The following PTPRM variants were observed in gnomAD, a reference collection of about 807,000 sequenced individuals.
PTPRM encodes the protein receptor-type tyrosine-protein phosphatase mu.
A neutral mutation model predicts 186.7 loss-of-function variants in PTPRM; 47 were observed. The observed-to-expected ratio is 0.25, with a 90% CI of 0.20 to 0.32. PTPRM has a LOEUF of 0.32. Ranked by LOEUF, PTPRM falls within the 10% of genes least tolerant of loss-of-function variation. The pLI is 1.00. For synonymous variants in PTPRM, 668 were observed against 674.9 expected (o/e 0.99, Z 0.16); for missense variants, 1,494 against 1,865.0 (o/e 0.80, Z 3.66).
chr18:7,639,391 C>A (rs1056011125), intron 1 of PTPRM, among the ~76,000 whole-genome samples: 2 of 142,278 alleles, frequency 1.4e-5, no homozygotes, highest in Middle Eastern at 4.0e-3. Flanking sequence ...ATTCTATATG[C>A]TTTTTTTTTT....
chr18:7,864,673 T>C (rs988976444), intron 2 of PTPRM, among the ~76,000 whole-genome samples: 3 of 152,184 alleles, frequency 2.0e-5, no homozygotes, highest in Non-Finnish European at 4.4e-5. Flanking sequence ...TTGGCTTGGA[T>C]ATGCAGGCTC....
rs144534154 is a variant in PTPRM, at chr18:8,158,669, A to C, written c.2300+14890A>C. 3.2e-3 allele frequency among the ~76,000 whole-genome samples: 491 copies of C among 152,300 alleles called. 3 individuals are homozygous for C. The highest frequency in any genetic ancestry group is 0.011 in the African/African-American group (451 of 41,566). ...GTAATTTATAAAGAAAAGAGGTTTA[A>C]CTGGCTTATGGTTCTGCAGGCTTTA... On this transcript the variant is annotated intron_variant, in intron 14 of 32. Coordinates refer to ENST00000580170, the MANE Select transcript of PTPRM (RefSeq NM_001105244.2).
intron 13 of PTPRM, among the ~76,000 whole-genome samples, chr18:8,143,252 G>A (rs567768150): frequency 1.3e-5 from 2 of 152,270 alleles, no homozygotes; most frequent in African/African-American, 4.8e-5. Flanking sequence ...AAATAACTGA[G>A]GAAAATGTTC....
chr18:7,826,635 A>G lies in PTPRM; in HGVS notation c.196+52364A>G, dbSNP rs543130488. On this transcript the variant is annotated intron_variant, in intron 2 of 32. Transcript: ENST00000580170. ...ATAAAAGAGTTCACACTGTTACTTT[A>G]TTTTCCAATAATGAAAGTACCATTT... is the stretch of plus-strand genomic sequence containing the variant. Among the ~76,000 whole-genome samples the G allele has an allele frequency of 2.0e-5, 3 of 152,356 alleles. 1 individual carries two copies. The South Asian group carries it at 6.2e-4, about 32-fold the overall frequency.
intron 8 of PTPRM, 140 bp from the exon 9 acceptor site, chr18:8,076,315 C>T: frequency 3.4e-6 from 2 of 591,366 alleles, no homozygotes; most frequent in Non-Finnish European, 6.0e-6. Context: ...TTTAAGATTC[C>T]AGATTTTTAA....
intron 7 of PTPRM, among the ~76,000 whole-genome samples, chr18:7,960,468 T>TACACAC (rs1410469673): frequency 2.4e-5 from 3 of 123,292 alleles, no homozygotes; most frequent in African/African-American, 9.5e-5. Context: ...TATATATATA[T>TACACAC]ATATATATAT....
At chr18:7,570,555 AATGGACCAAT>A (rs2143322393) in intron 1 of PTPRM, among the ~76,000 whole-genome samples, 1 of 152,360 alleles carries the variant, frequency 6.6e-6, no homozygotes, top group East Asian at 1.9e-4. Flanking sequence ...ATTGTGTGTG[AATGGACCAAT>A]ATATAATAAA....
intron 1 of PTPRM, among the ~76,000 whole-genome samples, chr18:7,593,980 T>C (rs1420049559): frequency 2.6e-5 from 4 of 152,066 alleles, no homozygotes; most frequent in African/African-American, 9.7e-5. Flanking sequence ...TTAGGTCCGA[T>C]GTAATATTAT....
At chr18:8,043,397 A>G (rs1234702362) in intron 7 of PTPRM, among the ~76,000 whole-genome samples, 2 of 152,080 alleles carry the variant, frequency 1.3e-5, no homozygotes, top group African/African-American at 2.4e-5. Context: ...CCCTGACATT[A>G]TATCTTCATC....
intron 2 of PTPRM, among the ~76,000 whole-genome samples, chr18:7,809,079 C>A (rs1322153124): frequency 6.6e-6 from 1 of 152,086 alleles, no homozygotes; most frequent in Non-Finnish European, 1.5e-5. Context: ...AGTTAAGGAC[C>A]CTGAGACTTG....
chr18:8,126,027 A>ATATATATATATATATTT (rs57751538), intron 13 of PTPRM, among the ~76,000 whole-genome samples: 1 of 69,540 alleles, frequency 1.4e-5, no homozygotes, highest in Non-Finnish European at 2.8e-5. Flanking sequence ...ATATATATAT[A>ATATATATATATATATTT]TTTTAAATCA....
At chr18:8,249,651 C>T (rs1432063142) in intron 17 of PTPRM, among the ~76,000 whole-genome samples, 1 of 152,144 alleles carries the variant, frequency 6.6e-6, no homozygotes. Flanking sequence ...TAAAACGTGC[C>T]TTGTCAGAAG....
At chr18:8,381,786 A>G (rs933852725) in intron 29 of PTPRM, among the ~76,000 whole-genome samples, 4 of 152,208 alleles carry the variant, frequency 2.6e-5, no homozygotes, top group African/African-American at 9.6e-5. Flanking sequence ...CACTAATTCT[A>G]GAGTCTTAAG....
chr18:7,872,734 G>A (rs1432241238), intron 2 of PTPRM, among the ~76,000 whole-genome samples: 9 of 152,172 alleles, frequency 5.9e-5, no homozygotes, highest in Admixed American at 2.6e-4. Context: ...ACTTAGTATC[G>A]AGTGCCTCTG....
chr18:8,239,014 C>T (rs1309455759), intron 14 of PTPRM, among the ~76,000 whole-genome samples: 1 of 145,076 alleles, frequency 6.9e-6, no homozygotes, highest in African/African-American at 2.6e-5. Context: ...TATTATTATA[C>T]TTTAAGTTTT....
rs570423909 is a variant in PTPRM at position 8,239,102 on chromosome 18, G to A, written c.2301-4956G>A. Among the ~76,000 whole-genome samples, 36 of 147,230 alleles carry A rather than the reference G, an allele frequency of 2.4e-4. No individual in the cohort carries two copies. In the South Asian group the frequency reaches 3.3e-3, roughly 13 times the overall value. ...GCTGGTGTGCTGCACCCATTAACTC[G>A]TCATTTAGCATTAGGTATATCTCCT... is the stretch of plus-strand genomic sequence containing the variant. On this transcript the variant is annotated intron_variant, in intron 14 of 32. Coordinates refer to ENST00000580170, the MANE Select transcript of PTPRM (RefSeq NM_001105244.2).
intron 7 of PTPRM, among the ~76,000 whole-genome samples, chr18:8,017,207 C>T (rs115887424): frequency 6.6e-6 from 1 of 152,112 alleles, no homozygotes; most frequent in South Asian, 2.1e-4. Context: ...TCCTTAAACA[C>T]ATGCACATAT....
chr18:8,157,829 C>A (rs1274803471), intron 14 of PTPRM, among the ~76,000 whole-genome samples: 1 of 152,204 alleles, frequency 6.6e-6, no homozygotes, highest in Non-Finnish European at 1.5e-5. Flanking sequence ...GGTATTAAAA[C>A]CTTCCAGACC....
intron 14 of PTPRM, among the ~76,000 whole-genome samples, chr18:8,180,603 G>A (rs2146573584): frequency 6.6e-6 from 1 of 152,280 alleles, no homozygotes; most frequent in Admixed American, 6.5e-5. Context: ...AATGCGCAGT[G>A]GCCTGCCGGC....
Sources: gnomAD v4.1 joint callset for allele counts (sites outside exome capture counted in the v4.1 genomes callset) on GRCh38, gnomAD v4.1.1 for gene constraint, MANE v1.5 for transcripts, NCBI Gene and HGNC (gene_info 2026-07-23, HGNC 2026-07-21) for gene names.